Variants in OAS2 observed in about 807,000 individuals in gnomAD.
OAS2 encodes 2'-5'-oligoadenylate synthase 2.
In OAS2, 67 loss-of-function variants were observed where a neutral mutation model predicts 71.3. The ratio of observed to expected loss-of-function variants is 0.94; its 90% CI spans 0.77 to 1.15. The LOEUF (loss-of-function observed/expected upper bound fraction) is 1.15, where lower values mean the gene tolerates loss of function less well. Ranked by LOEUF, OAS2 falls within the 50% of genes most tolerant of loss-of-function variation. OAS2 has a pLI of 0.00. For missense variants in OAS2, 789 were observed against 822.5 expected, an observed-to-expected ratio of 0.96 and a Z score of 0.50; for synonymous variants, 327 against 321.8, an observed-to-expected ratio of 1.02 and a Z score of -0.17.
intron 9 of OAS2, among the ~76,000 whole-genome samples, 196 bp from the exon 10 acceptor site, chr12:113,008,891 G>A (rs568802978): frequency 9.9e-5 from 15 of 152,176 alleles, no homozygotes; most frequent in Non-Finnish European, 2.1e-4. Flanking sequence ...GCCTCCCAAA[G>A]TGCTGGGATT....
chr12:112,997,635 T>C lies in OAS2; in HGVS notation c.743T>C (p.Val248Ala), dbSNP rs2044246549. 6.2e-7 allele frequency: 1 copy of C among 1,614,124 alleles called. No homozygotes were observed. Among genetic ancestry groups the C allele is most frequent in the Admixed American group, 1.7e-5 (1 of 60,014 alleles). ...GACAACTTTGACATTGCTGAAGGCG[T>C]CAGAACCGTACTGGAGCTGATCAAA... ...RKDNFDIAEG[V>A]RTVLELIKCQ... Residue 248 changes from valine to alanine, a missense_variant, in exon 4 of 10, where the codon GTC (valine) becomes GCC (alanine). By Grantham distance (64) the Val-to-Ala change is moderately conservative. Transcript: ENST00000392583.
intron 9 of OAS2, 30 bp from the exon 10 acceptor site, chr12:113,009,057 T>G: frequency 6.3e-7 from 1 of 1,590,642 alleles, no homozygotes; most frequent in South Asian, 1.1e-5. Flanking sequence ...GGATTTGGAA[T>G]CTCCTAATGC....
chr12:113,003,507 C>T (rs2044307003), intron 6 of OAS2, among the ~76,000 whole-genome samples: 3 of 152,208 alleles, frequency 2.0e-5, no homozygotes, highest in Non-Finnish European at 4.4e-5. Flanking sequence ...AACTCAGTTA[C>T]ATCTGCGAAG....
At chr12:112,991,832 CTA>C (rs1483543251) in intron 2 of OAS2, among the ~76,000 whole-genome samples, 1 of 152,128 alleles carries the variant, frequency 6.6e-6, no homozygotes, top group African/African-American at 2.4e-5. Context: ...CTCTCCTAGA[CTA>C]TAAGCTCCAT....
Position 112,978,693 on chromosome 12 carries a change from G to T in OAS2, c.85G>T (p.Glu29Ter). 1 of 1,614,178 alleles carries T rather than the reference G, an allele frequency of 6.2e-7. No homozygotes were observed. Among genetic ancestry groups the T allele is most frequent in the African/African-American group, 1.3e-5 (1 of 75,028 alleles). Residue 29 changes from glutamate (E) to a stop codon, truncating the protein, a stop_gained, in exon 1 of 10, where the codon GAA becomes TAA. Coordinates refer to ENST00000392583, the MANE Select transcript of OAS2 (RefSeq NM_002535.3). LOFTEE classifies it high-confidence loss of function. This position sits in a 1 kb window ranked among gnomAD's most constrained non-coding sequence, Gnocchi z 4.2. The stretch of plus-strand genomic sequence containing the variant: ...CCAGGAATACCTGAAGCCCTACGAA[G>T]AATGTCAGACACTGATCGACGAGAT... ...FIQEYLKPYE[E>*]CQTLIDEMVN... is the part of the protein sequence containing the mutation.
At chr12:112,993,497 G>A (rs563831617) in intron 2 of OAS2, among the ~76,000 whole-genome samples, 53 of 152,312 alleles carry the variant, frequency 3.5e-4, no homozygotes, top group African/African-American at 1.3e-3. Flanking sequence ...TGCATGCCAA[G>A]TGCCCAGAAC....
intron 9 of OAS2, among the ~76,000 whole-genome samples, 198 bp downstream of exon 9, chr12:113,008,141 A>C (rs112265746): frequency 0.021 from 3,155 of 152,146 alleles, 88 homozygotes; most frequent in African/African-American, 0.061. Context: ...AAAAATAGAG[A>C]AGGAAGGTTC....
rs571828009 is a variant in OAS2, at chr12:112,983,782, T to C, written c.178-3256T>C. Among the ~76,000 whole-genome samples the C allele has an allele frequency of 6.6e-5, 10 of 152,340 alleles. 1 individual carries two copies. The South Asian group carries it at 1.2e-3, about 19-fold the overall frequency. On this transcript the variant is annotated intron_variant, in intron 1 of 9. Transcript: ENST00000392583. ...AATTTCCAAAGTTCCTCTTGTTCCA[T>C]TGTGGTCTGTATCCATTGTGGTAAG... is the stretch of plus-strand genomic sequence containing the variant.
intron 1 of OAS2, among the ~76,000 whole-genome samples, chr12:112,983,992 A>G (rs112931521): frequency 7.9e-5 from 12 of 152,198 alleles, no homozygotes; most frequent in Non-Finnish European, 1.5e-4. Flanking sequence ...GACTAAGTCC[A>G]GTATTCTTTG....
At position 113,005,257 on chromosome 12, in the gene OAS2, G is replaced by A. The variant is rs556217919; in HGVS notation, c.1468+35G>A. 6.0e-5 allele frequency: 96 copies of A among 1,588,670 alleles called. No homozygotes were observed. In the South Asian group the frequency reaches 9.8e-4, roughly 16 times the overall value. On this transcript the variant is annotated intron_variant, in intron 7 of 9. Coordinates refer to ENST00000392583, the MANE Select transcript of OAS2 (RefSeq NM_002535.3). The stretch of plus-strand genomic sequence containing the variant: ...CCCAGACCTTAGCTTGGAAGTGATG[G>A]TGGACAGAAGGTGGAGGGAGAGCCA...
chr12:112,986,959 T>G, intron 1 of OAS2, 79 bp from the exon 2 acceptor site: 8 of 1,521,562 alleles, frequency 5.3e-6, no homozygotes, highest in South Asian at 1.3e-5. Context: ...TTACTTGAGT[T>G]GAGAAATACC....
Position 113,010,436 on chromosome 12 carries a change from A to T in OAS2, c.*1181A>T. ...ATCCTATTGTCAATGAGATGTTCTC[A>T]TCCAGAAGCCATAGAATCCTGAATA... On this transcript the variant is annotated 3_prime_UTR_variant, in exon 10 of 10. Coordinates refer to ENST00000392583, the MANE Select transcript of OAS2 (RefSeq NM_002535.3). The T allele has an allele frequency of 6.2e-7, 1 of 1,614,022 alleles. No individual in the cohort carries two copies.
Position 113,010,687 on chromosome 12 carries a change from GT to G in OAS2, c.*1433del, listed in dbSNP as rs1312113669. ...CAGCCTGCCTTTAAAAATAGTTGCT[GT>G]CATCCACTTTATGTGCATCTTATTT... is the stretch of plus-strand genomic sequence containing the variant. On this transcript the variant is annotated 3_prime_UTR_variant, in exon 10 of 10. Transcript: ENST00000392583. 15 of 567,984 alleles carry G rather than the reference GT, an allele frequency of 2.6e-5. No homozygotes were observed. In the Middle Eastern group the frequency reaches 8.6e-4, roughly 33 times the overall value. 35.2% of individuals were successfully genotyped at this position (567,984 alleles called of 1,614,324 possible).
intron 5 of OAS2, among the ~76,000 whole-genome samples, chr12:112,998,966 C>G (rs1014105045): frequency 2.6e-5 from 4 of 152,208 alleles, no homozygotes; most frequent in African/African-American, 9.7e-5. Flanking sequence ...CACACACCAT[C>G]AGGGCAATGA....
rs749225940 is a variant in OAS2 at position 113,003,020 on chromosome 12, T to G, written c.1097T>G (p.Ile366Ser). 6.2e-7 allele frequency: 1 copy of G among 1,614,064 alleles called. No individual in the cohort carries two copies. Among genetic ancestry groups the G allele is most frequent in the Non-Finnish European group, 8.5e-7 (1 of 1,180,022 alleles). Residue 366 changes from isoleucine to serine, a missense_variant, in exon 6 of 10, where the codon ATT (isoleucine) becomes AGT (serine). Physicochemically the swap from Ile to Ser is moderately radical, Grantham distance 142. Coordinates refer to ENST00000392583, the MANE Select transcript of OAS2 (RefSeq NM_002535.3). The part of the protein sequence containing the change: ...LQPNKCFLEQ[I>S]DSAVNIIRTF... ...CCCAACAAATGCTTCCTAGAGCAGA[T>G]TGACAGTGCTGTTAACATCATCCGT...
chr12:112,986,083 G>A (rs1051582865), intron 1 of OAS2, among the ~76,000 whole-genome samples: 4 of 152,234 alleles, frequency 2.6e-5, no homozygotes, highest in Non-Finnish European at 5.9e-5. Context: ...AGTTAGTGGA[G>A]CCTCCACATG....
At chr12:112,981,163 C>T (rs769018563) in intron 1 of OAS2, among the ~76,000 whole-genome samples, 3 of 152,124 alleles carry the variant, frequency 2.0e-5, no homozygotes, top group Non-Finnish European at 2.9e-5. Context: ...TCCCATTCTA[C>T]AGCTTGTCTT....
At chr12:113,006,720 C>A in intron 8 of OAS2, 120 bp downstream of exon 8, 1 of 795,524 alleles carries the variant, frequency 1.3e-6, no homozygotes, top group Non-Finnish European at 1.9e-6. Context: ...AGAATCTGCC[C>A]ACTGGATATC....
In OAS2 at chr12:113,009,982, T is replaced by C. The variant is rs1161795201; in HGVS notation, c.*727T>C. The C allele has an allele frequency of 2.5e-5, 25 of 982,860 alleles. No individual in the cohort carries two copies. The highest frequency in any genetic ancestry group is 3.0e-5 in the Non-Finnish European group (25 of 826,976). The allele number at this position is 982,860 out of a possible 1,614,324, so 60.9% of individuals were successfully genotyped here. On this transcript the variant is annotated 3_prime_UTR_variant, in exon 10 of 10. Transcript: ENST00000392583. ...TCTCAACTTTGATACTTACTCACATTTGGGGCTAGACAGTTCTTTGTTTGG... is the reference window on the plus strand; with the variant it reads ...TCTCAACTTTGATACTTACTCACATCTGGGGCTAGACAGTTCTTTGTTTGG...
Sources: gnomAD v4.1 joint callset for allele counts (sites outside exome capture counted in the v4.1 genomes callset) on GRCh38, gnomAD v4.1.1 for gene constraint, Gnocchi (gnomAD v3.1) non-coding constraint, MANE v1.5 for transcripts, NCBI Gene and HGNC (gene_info 2026-07-23, HGNC 2026-07-21) for gene names.